The following NLGN1 variants were observed in gnomAD, a reference collection of about 807,000 sequenced individuals.
NLGN1 encodes the protein neuroligin 1, also known as neuroligin-1.
NLGN1 carries 12 observed loss-of-function variants against 65.5 expected under a neutral mutation model. The ratio of observed to expected loss-of-function variants is 0.18; its 90% CI spans 0.12 to 0.30. The LOEUF (loss-of-function observed/expected upper bound fraction) is 0.30, where lower values mean the gene tolerates loss of function less well. Among genes scored for constraint, NLGN1 ranks in the 10% least tolerant of loss-of-function variants. The pLI, the probability that NLGN1 is intolerant of heterozygous loss-of-function variation, is 1.00. For synonymous variants in NLGN1, 350 were observed against 359.5 expected (o/e 0.97, Z 0.30); for missense variants, 750 against 1,007.1 (o/e 0.74, Z 3.46).
chr3:173,554,954 G>A (rs1265458071), intron 2 of NLGN1, among the ~76,000 whole-genome samples: 1 of 152,142 alleles, frequency 6.6e-6, no homozygotes, highest in Non-Finnish European at 1.5e-5. Context: ...CCTTCTAGGG[G>A]ATGAGAAATT....
At chr3:173,955,904 C>T (rs924237438) in intron 4 of NLGN1, among the ~76,000 whole-genome samples, 4 of 151,700 alleles carry the variant, frequency 2.6e-5, no homozygotes, top group African/African-American at 4.8e-5. Flanking sequence ...ATTTTTGGTA[C>T]AATTAGAGGT....
At chr3:173,996,737 T>C (rs985197809) in intron 4 of NLGN1, among the ~76,000 whole-genome samples, 2 of 152,200 alleles carry the variant, frequency 1.3e-5, no homozygotes, top group Non-Finnish European at 2.9e-5. Context: ...CTTCAGACTA[T>C]GTAAACAAGG....
At chr3:174,281,121 C>G (rs1192749179) in exon 7 of NLGN1, 3 of 1,613,288 alleles carry the variant, frequency 1.9e-6, no homozygotes, top group Non-Finnish European at 2.5e-6. Flanking sequence ...AGATTACACA[C>G]TAGCTATGAG....
intron 2 of NLGN1, among the ~76,000 whole-genome samples, chr3:173,563,427 G>A (rs1743108307): frequency 6.6e-6 from 1 of 152,132 alleles, no homozygotes; most frequent in African/African-American, 2.4e-5. Context: ...AGGTAAATCT[G>A]CCCTGAAAGC....
At chr3:174,088,819 T>G (rs1029145144) in intron 4 of NLGN1, among the ~76,000 whole-genome samples, 1 of 151,352 alleles carries the variant, frequency 6.6e-6, no homozygotes, top group Non-Finnish European at 1.5e-5. Flanking sequence ...ACTAGATTAT[T>G]TTTTACTTCT....
At chr3:173,575,924 A>G (rs892861112) in intron 2 of NLGN1, among the ~76,000 whole-genome samples, 2 of 152,034 alleles carry the variant, frequency 1.3e-5, no homozygotes, top group Admixed American at 6.6e-5. Flanking sequence ...AATATATAAA[A>G]TTTTCTTTTT....
chr3:173,421,488 G>T (rs1715036496), intron 1 of NLGN1, among the ~76,000 whole-genome samples: 1 of 151,242 alleles, frequency 6.6e-6, no homozygotes, highest in Admixed American at 6.6e-5. Flanking sequence ...TATAGAAAAA[G>T]GATCAATTTT....
At chr3:173,637,921 G>A (rs934656184) in intron 3 of NLGN1, among the ~76,000 whole-genome samples, 8 of 152,118 alleles carry the variant, frequency 5.3e-5, no homozygotes, top group African/African-American at 1.2e-4. Context: ...CAGAGACGGC[G>A]TTTCATTCCC....
chr3:173,434,577 T>A (rs940717229), intron 1 of NLGN1, among the ~76,000 whole-genome samples: 1 of 152,188 alleles, frequency 6.6e-6, no homozygotes, highest in Non-Finnish European at 1.5e-5. Flanking sequence ...TTGGAGACAA[T>A]TGCACTCTCT....
intron 2 of NLGN1, among the ~76,000 whole-genome samples, chr3:173,539,641 T>TATATAACATATATGTACATATGC (rs1553879350): frequency 5.1e-5 from 3 of 58,270 alleles, no homozygotes; most frequent in Non-Finnish European, 1.2e-4. Context: ...TACACATATA[T>TATATAACATATATGTACATATGC]ACATATATAA....
intron 2 of NLGN1, among the ~76,000 whole-genome samples, chr3:173,583,056 T>TC (rs113474968): frequency 1.3e-5 from 2 of 152,236 alleles, no homozygotes; most frequent in African/African-American, 4.8e-5. Context: ...TGAATATTTT[T>TC]CTGGACTTTC....
chr3:173,560,456 G>A (rs896842327), intron 2 of NLGN1, among the ~76,000 whole-genome samples: 2 of 152,040 alleles, frequency 1.3e-5, no homozygotes, highest in Non-Finnish European at 2.9e-5. Flanking sequence ...AGAAGAGAAA[G>A]GGGAGGACTA....
At chr3:174,256,830 C>G (rs192391966) in intron 4 of NLGN1, among the ~76,000 whole-genome samples, 2 of 152,080 alleles carry the variant, frequency 1.3e-5, no homozygotes, top group South Asian at 4.2e-4. Flanking sequence ...CTAGGTAATA[C>G]GATTCAGGAC....
chr3:174,184,491 G>C (rs1731038062), intron 4 of NLGN1, among the ~76,000 whole-genome samples: 1 of 151,832 alleles, frequency 6.6e-6, no homozygotes, highest in Admixed American at 6.6e-5. Flanking sequence ...ATCATCTTTT[G>C]TGTCCATATT....
chr3:173,753,252 T>G (rs2150165893), intron 3 of NLGN1, among the ~76,000 whole-genome samples: 1 of 152,250 alleles, frequency 6.6e-6, no homozygotes, highest in South Asian at 2.1e-4. Flanking sequence ...CTCCCTCAAT[T>G]AAGATCTGAA....
At chr3:173,986,160 G>T (rs1719858856) in intron 4 of NLGN1, among the ~76,000 whole-genome samples, 1 of 151,880 alleles carries the variant, frequency 6.6e-6, no homozygotes, top group Non-Finnish European at 1.5e-5. Flanking sequence ...AATATGACTG[G>T]TATCCATATA....
At chr3:174,238,763 A>G (rs990375132) in intron 4 of NLGN1, among the ~76,000 whole-genome samples, 15 of 152,208 alleles carry the variant, frequency 9.9e-5, no homozygotes, top group Non-Finnish European at 1.6e-4. Context: ...TAGACAGAGG[A>G]TGCAAAATAG....
At chr3:173,707,842 T>A (rs1768288986) in intron 3 of NLGN1, among the ~76,000 whole-genome samples, 1 of 152,214 alleles carries the variant, frequency 6.6e-6, no homozygotes, top group African/African-American at 2.4e-5. Context: ...AGGGATATGG[T>A]AGCACTCAAA....
intron 2 of NLGN1, among the ~76,000 whole-genome samples, chr3:173,603,975 A>G (rs1750975188): frequency 6.6e-6 from 1 of 152,132 alleles, no homozygotes; most frequent in Non-Finnish European, 1.5e-5. Flanking sequence ...AATAAAGTAT[A>G]AATTTCACAC....
Sources: allele counts gnomAD v4.1 joint callset (sites outside exome capture counted in the v4.1 genomes callset), GRCh38; gene constraint gnomAD v4.1.1; transcripts MANE v1.5; gene names NCBI Gene and HGNC (gene_info 2026-07-23, HGNC 2026-07-21).